Variants in TTC23 observed in about 807,000 individuals in gnomAD.
TTC23 encodes tetratricopeptide repeat protein 23.
Under a neutral mutation model 55.1 loss-of-function variants are expected in TTC23, and 58 were observed. The observed-to-expected ratio is 1.05, with a 90% confidence interval of 0.85 to 1.31. TTC23 has a LOEUF of 1.31. TTC23 is among the 50% of genes most tolerant of loss of function. The pLI is 0.00. For synonymous variants in TTC23, 203 were observed against 199.9 expected (o/e 1.02, Z -0.13); for missense variants, 516 against 534.4 (o/e 0.97, Z 0.34).
chr15:99,138,319 AT>A (rs1233034058), intron 13 of TTC23, among the ~76,000 whole-genome samples, 192 bp from the exon 14 acceptor site: 33 of 146,490 alleles, frequency 2.3e-4, no homozygotes, highest in South Asian at 8.6e-4. Flanking sequence ...TATTTTTTTA[AT>A]TTTTTTTTTT....
At chr15:99,222,648 C>T (rs139088591) in intron 5 of TTC23, among the ~76,000 whole-genome samples, 7 of 152,300 alleles carry the variant, frequency 4.6e-5, no homozygotes, top group African/African-American at 1.7e-4. Context: ...ACTGGATTCC[C>T]AGCTCCAGGT....
chr15:99,142,339 A>G (rs1246164293), intron 12 of TTC23, among the ~76,000 whole-genome samples: 2 of 152,132 alleles, frequency 1.3e-5, no homozygotes, highest in African/African-American at 4.8e-5. Context: ...CAGGGTTAAC[A>G]CTTCTTACCA....
At chr15:99,156,548 G>A (rs545246144) in intron 11 of TTC23, among the ~76,000 whole-genome samples, 2 of 152,306 alleles carry the variant, frequency 1.3e-5, no homozygotes, top group East Asian at 1.9e-4. Flanking sequence ...TCATGGCAGA[G>A]GGCACCTCTT....
chr15:99,246,203 C>T (rs1193414748), intron 1 of TTC23, among the ~76,000 whole-genome samples: 1 of 152,204 alleles, frequency 6.6e-6, no homozygotes, highest in African/African-American at 2.4e-5. Flanking sequence ...CAAATCTTTA[C>T]TGCTTCAAAA....
chr15:99,188,677 A>G (rs888310387), intron 9 of TTC23, among the ~76,000 whole-genome samples: 5 of 152,134 alleles, frequency 3.3e-5, no homozygotes, highest in African/African-American at 9.6e-5. Flanking sequence ...TTGACAAAAA[A>G]TATATGAAAG....
chr15:99,242,618 A>G (rs1250450780), intron 2 of TTC23, among the ~76,000 whole-genome samples: 3 of 152,218 alleles, frequency 2.0e-5, no homozygotes, highest in African/African-American at 4.8e-5. Context: ...ATCTAGCAAC[A>G]TATACAAAGG....
chr15:99,163,109 A>AC (rs55764668), intron 10 of TTC23, among the ~76,000 whole-genome samples: 24 of 122,846 alleles, frequency 2.0e-4, no homozygotes, highest in African/African-American at 2.4e-4. Context: ...AAACAAACAA[A>AC]AACAACAACA....
chr15:99,227,168 T>A (rs1488866383), intron 5 of TTC23, among the ~76,000 whole-genome samples: 13 of 152,208 alleles, frequency 8.5e-5, no homozygotes, highest in African/African-American at 2.4e-4. Flanking sequence ...ACCAAATTTA[T>A]GCTCTTTCTC....
intron 6 of TTC23, 87 bp from the exon 7 acceptor site, chr15:99,219,135 G>C: frequency 6.8e-7 from 1 of 1,462,624 alleles, no homozygotes; most frequent in Non-Finnish European, 9.3e-7. Context: ...AATCTAACAA[G>C]GTCTCCTTCA....
intron 1 of TTC23, among the ~76,000 whole-genome samples, chr15:99,247,848 G>C (rs148834851): frequency 5.3e-3 from 325 of 60,984 alleles, no homozygotes; most frequent in African/African-American, 0.021. Context: ...TCTAAAATTG[G>C]AATGTGGTGA....
At chr15:99,195,682 C>T (rs556502771) in intron 9 of TTC23, among the ~76,000 whole-genome samples, 20 of 152,148 alleles carry the variant, frequency 1.3e-4, no homozygotes, top group African/African-American at 4.6e-4. Context: ...TGCAAACCCA[C>T]AGAATGTACA....
chr15:99,178,331 G>A (rs1282307677), intron 9 of TTC23, among the ~76,000 whole-genome samples: 2 of 152,142 alleles, frequency 1.3e-5, no homozygotes, highest in African/African-American at 4.8e-5. Context: ...AATCCCTAAT[G>A]TAATTTATTT....
rs192398673 is a variant in TTC23 at position 99,237,330 on chromosome 15, G to T, written c.-113-2250C>A. ...GAAATGAAAGCATGTATTATAAAAA[G>T]ACTTACATACAAATGTTCATAGAAT... On this transcript the variant is annotated intron_variant, in intron 3 of 13. Coordinates refer to ENST00000394132, the MANE Select transcript of TTC23 (RefSeq NM_001288615.3). Among the ~76,000 whole-genome samples the T allele has an allele frequency of 5.9e-5, 9 of 152,050 alleles. No homozygotes were observed. The East Asian group carries it at 1.4e-3, about 23-fold the overall frequency.
chr15:99,138,066 T>A lies in TTC23; in HGVS notation c.1288A>T (p.Ser430Cys), dbSNP rs2067735538. Residue 430 changes from serine to cysteine, a missense_variant, in exon 14 of 14, where the codon AGC becomes TGC. By Grantham distance (112) the Ser-to-Cys change is moderately radical. Transcript: ENST00000394132. Reference sequence around the variant, plus strand: ...CCCAGCAGGGTGTCCTGAGGGATGCTGGTGCAGAAGGCCACTTTGGCTTTT... The same window carrying A: ...CCCAGCAGGGTGTCCTGAGGGATGCAGGTGCAGAAGGCCACTTTGGCTTTT... Reference protein sequence around the residue: ...ASKAKVAFCTSIPQDTLLGKA... With the variant: ...ASKAKVAFCTCIPQDTLLGKA... The A allele has an allele frequency of 6.2e-7, 1 of 1,613,882 alleles. No individual in the cohort carries two copies. Among genetic ancestry groups the A allele is most frequent in the Non-Finnish European group, 8.5e-7 (1 of 1,179,938 alleles).
At chr15:99,208,943 T>C (rs1427939432) in intron 8 of TTC23, among the ~76,000 whole-genome samples, 1 of 152,180 alleles carries the variant, frequency 6.6e-6, no homozygotes, top group Non-Finnish European at 1.5e-5. Flanking sequence ...ATCTAGTGTA[T>C]CCACAATGTA....
chr15:99,218,994 T>C lies in TTC23; in HGVS notation c.359A>G (p.Asn120Ser). Residue 120 changes from asparagine (N) to serine (S), a missense_variant, in exon 7 of 14, where the codon AAC (asparagine) becomes AGC (serine). Coordinates refer to ENST00000394132, the MANE Select transcript of TTC23 (RefSeq NM_001288615.3). ...HAEKARQILA[N>S]SIVPPYSENT... ...CTCACTATAGGGAGGCACAATGGAG[T>C]TGGCGAGGATTTGTCTGGCTTTTTC... is the stretch of plus-strand genomic sequence containing the variant. The C allele has an allele frequency of 2.5e-6, 4 of 1,613,946 alleles. No individual in the cohort carries two copies. Among genetic ancestry groups the C allele is most frequent in the South Asian group, 2.2e-5 (2 of 91,052 alleles).
At chr15:99,191,165 A>G (rs973278386) in intron 9 of TTC23, among the ~76,000 whole-genome samples, 3 of 152,204 alleles carry the variant, frequency 2.0e-5, no homozygotes, top group African/African-American at 4.8e-5. Context: ...TTGATTCATA[A>G]TCCAAATTGG....
At chr15:99,245,652 T>C (rs2080178879) in intron 1 of TTC23, 142 bp from the exon 2 acceptor site, 1 of 151,920 alleles carries the variant, frequency 6.6e-6, no homozygotes, top group Non-Finnish European at 1.5e-5. Flanking sequence ...GTCTTTTCAA[T>C]AAACAATAAA....
At chr15:99,151,164 T>C (rs1348716637) in intron 12 of TTC23, 2 of 152,232 alleles carry the variant, frequency 1.3e-5, no homozygotes, top group Non-Finnish European at 2.9e-5. Flanking sequence ...TCATTGCACA[T>C]GTGCCAAAAA....
Sources: gnomAD v4.1 joint callset for allele counts (sites outside exome capture counted in the v4.1 genomes callset) on GRCh38, gnomAD v4.1.1 for gene constraint, MANE v1.5 for transcripts, NCBI Gene and HGNC (gene_info 2026-07-23, HGNC 2026-07-21) for gene names.